TTC28: variants seen among roughly 807,000 people sequenced by gnomAD.
The protein encoded by TTC28 is tetratricopeptide repeat domain 28.
Under a neutral mutation model 198.0 loss-of-function variants are expected in TTC28, and 61 were observed. The observed-to-expected ratio is 0.31, with a 90% confidence interval of 0.25 to 0.38. The LOEUF is 0.38. Among genes scored for constraint, TTC28 ranks in the 10% least tolerant of loss-of-function variants. The pLI, the probability that TTC28 is intolerant of heterozygous loss-of-function variation, is 1.00. For synonymous variants in TTC28, 1,171 were observed against 1,297.8 expected (o/e 0.90, Z 2.10); for missense variants, 2,678 against 3,164.0 (o/e 0.85, Z 3.69).
chr22:28,490,078 A>G (rs2048356039), intron 2 of TTC28, among the ~76,000 whole-genome samples: 1 of 152,108 alleles, frequency 6.6e-6, no homozygotes, highest in South Asian at 2.1e-4. Context: ...TGCCTGCTTT[A>G]TATTCTAGCT....
intron 2 of TTC28, among the ~76,000 whole-genome samples, chr22:28,407,659 A>T (rs1393345344): frequency 6.6e-6 from 1 of 152,218 alleles, no homozygotes; most frequent in Non-Finnish European, 1.5e-5. Context: ...AAAGAAAAAC[A>T]TTACAGTTGT....
intron 1 of TTC28, among the ~76,000 whole-genome samples, chr22:28,673,291 G>A (rs1018086041): frequency 3.9e-5 from 6 of 152,070 alleles, no homozygotes; most frequent in African/African-American, 1.2e-4. Flanking sequence ...GGAGAATGGC[G>A]TGAACCCAGA....
At chr22:28,392,450 G>A (rs1177584270) in intron 2 of TTC28, among the ~76,000 whole-genome samples, 7 of 152,102 alleles carry the variant, frequency 4.6e-5, no homozygotes, top group East Asian at 1.9e-4. Context: ...CCTCGCTGCC[G>A]CCTTGCAGTT....
intron 2 of TTC28, among the ~76,000 whole-genome samples, chr22:28,545,691 A>T (rs2049525245): frequency 6.6e-6 from 1 of 152,206 alleles, no homozygotes; most frequent in African/African-American, 2.4e-5. Flanking sequence ...GCAATAGACA[A>T]TTGGATATTT....
chr22:28,123,675 C>T lies in TTC28; in HGVS notation c.1442-15272G>A, dbSNP rs868730289. On this transcript the variant is annotated intron_variant, in intron 6 of 22. Coordinates refer to ENST00000397906, the MANE Select transcript of TTC28 (RefSeq NM_001145418.2). Reference sequence around the variant, plus strand: ...ATTCAACCCCTTTCTCCCGTATCAACCTGCCTTCTCAATATTTTTACTTCT... The same window carrying T: ...ATTCAACCCCTTTCTCCCGTATCAATCTGCCTTCTCAATATTTTTACTTCT... Among the ~76,000 whole-genome samples the T allele has an allele frequency of 2.6e-5, 4 of 152,266 alleles. No individual in the cohort carries two copies. In the Middle Eastern group the frequency reaches 0.014, roughly 518 times the overall value.
At chr22:28,252,394 T>C (rs918661881) in intron 5 of TTC28, among the ~76,000 whole-genome samples, 2 of 152,026 alleles carry the variant, frequency 1.3e-5, no homozygotes, top group African/African-American at 2.4e-5. Context: ...GGGGAAGAGG[T>C]AGATGATGGT....
intron 2 of TTC28, among the ~76,000 whole-genome samples, chr22:28,596,790 C>G (rs12159808): frequency 4.1e-4 from 62 of 152,232 alleles, no homozygotes; most frequent in African/African-American, 1.4e-3. Flanking sequence ...CCAAATAGCT[C>G]ATGATGAGTG....
chr22:28,144,291 T>C (rs1943408794), intron 6 of TTC28, among the ~76,000 whole-genome samples: 1 of 152,226 alleles, frequency 6.6e-6, no homozygotes, highest in Non-Finnish European at 1.5e-5. Flanking sequence ...CTCAGGTTTT[T>C]CTGTCTCCTG....
intron 4 of TTC28, 120 bp from the exon 5 acceptor site, chr22:28,296,448 C>T: frequency 1.1e-6 from 1 of 908,912 alleles, no homozygotes; most frequent in Non-Finnish European, 1.5e-6. Flanking sequence ...TTTCACTTAT[C>T]TTCTATTAGA....
At chr22:28,586,504 T>C (rs1388174073) in intron 2 of TTC28, among the ~76,000 whole-genome samples, 2 of 152,164 alleles carry the variant, frequency 1.3e-5, no homozygotes, top group South Asian at 2.1e-4. Flanking sequence ...TGAATACAAA[T>C]GTATACATAT....
intron 13 of TTC28, among the ~76,000 whole-genome samples, chr22:28,025,527 A>T (rs1036652693): frequency 2.0e-5 from 3 of 152,150 alleles, no homozygotes; most frequent in African/African-American, 7.2e-5. Flanking sequence ...CTTTTGCAGC[A>T]CTGCTGCAGC....
chr22:27,982,320 G>A lies in TTC28; in HGVS notation c.7347C>T (p.Gly2449=). 1 of 1,527,308 alleles carries A rather than the reference G, an allele frequency of 6.5e-7. No individual in the cohort carries two copies. Among genetic ancestry groups the A allele is most frequent in the Non-Finnish European group, 8.8e-7 (1 of 1,133,754 alleles). 94.6% of individuals were successfully genotyped at this position (1,527,308 alleles called of 1,614,324 possible). Residue 2449 remains glycine (G), a synonymous_variant, in exon 23 of 23, where the codon GGC becomes GGT. Coordinates refer to ENST00000397906, the MANE Select transcript of TTC28 (RefSeq NM_001145418.2). This position sits in a 1 kb window ranked among gnomAD's most constrained non-coding sequence, Gnocchi z 5.2. ...GGCGCGCGGGGGCTGTGGCGGGAGG[G>A]CCGGCGGGCAGCGGCAGTGAGCCCA... is the stretch of plus-strand genomic sequence containing the variant. ...TSLGSLPLPA[G]PPATAPARPL... is the part of the protein sequence containing the mutation.
intron 1 of TTC28, among the ~76,000 whole-genome samples, chr22:28,657,015 C>T (rs5762736): frequency 0.27 from 40,750 of 152,068 alleles, 6,825 homozygotes; most frequent in Middle Eastern, 0.4. Context: ...TTATGCTACA[C>T]ACACACAAAA....
chr22:28,130,542 G>A (rs1407233320), intron 6 of TTC28, among the ~76,000 whole-genome samples: 1 of 152,192 alleles, frequency 6.6e-6, no homozygotes, highest in Non-Finnish European at 1.5e-5. Flanking sequence ...TATGTATCTA[G>A]CTTTACATAT....
intron 2 of TTC28, among the ~76,000 whole-genome samples, chr22:28,320,256 T>C (rs947119967): frequency 6.6e-6 from 1 of 151,630 alleles, no homozygotes; most frequent in Non-Finnish European, 1.5e-5. Flanking sequence ...GTTCAGGTAA[T>C]TCTCTAGGTT....
At chr22:28,219,070 G>C (rs1927636689) in intron 5 of TTC28, among the ~76,000 whole-genome samples, 1 of 152,110 alleles carries the variant, frequency 6.6e-6, no homozygotes, top group African/African-American at 2.4e-5. Flanking sequence ...ACCATACTTT[G>C]AGAACCACTG....
intron 2 of TTC28, among the ~76,000 whole-genome samples, chr22:28,362,001 G>C (rs144483708): frequency 6.6e-6 from 1 of 152,296 alleles, no homozygotes; most frequent in East Asian, 1.9e-4. Context: ...CTGACAACGC[G>C]TCTGGCTACC....
chr22:28,571,645 G>A (rs949206566), intron 2 of TTC28, among the ~76,000 whole-genome samples: 4 of 152,078 alleles, frequency 2.6e-5, no homozygotes, highest in Non-Finnish European at 4.4e-5. Flanking sequence ...ATGTAGTAAC[G>A]GTTAACATAA....
chr22:28,537,585 G>A (rs1046552783), intron 2 of TTC28, among the ~76,000 whole-genome samples: 2 of 151,798 alleles, frequency 1.3e-5, no homozygotes, highest in Non-Finnish European at 2.9e-5. Context: ...ATGAAGGAAA[G>A]ACCAAGAAGC....
Sources: allele counts gnomAD v4.1 joint callset (sites outside exome capture counted in the v4.1 genomes callset), GRCh38; gene constraint gnomAD v4.1.1; non-coding constraint Gnocchi (gnomAD v3.1); transcripts MANE v1.5; gene names NCBI Gene and HGNC (gene_info 2026-07-23, HGNC 2026-07-21).